The following ANKRD12 variants were observed in gnomAD, a reference collection of about 807,000 sequenced individuals.
ANKRD12 encodes the protein ankyrin repeat domain 12, also known as ankyrin repeat domain-containing protein 12.
A neutral mutation model predicts 183.4 loss-of-function variants in ANKRD12; 85 were observed. That is an observed-to-expected ratio of 0.46 (90% CI 0.39 to 0.56). ANKRD12 has a LOEUF of 0.56. Among genes scored for constraint, ANKRD12 ranks in the 20% least tolerant of loss-of-function variants. The pLI, the probability that ANKRD12 is intolerant of heterozygous loss-of-function variation, is 0.00. For synonymous variants in ANKRD12, 914 were observed against 800.2 expected (o/e 1.14, Z -2.40); for missense variants, 2,405 against 2,357.1 (o/e 1.02, Z -0.42).
intron 2 of ANKRD12, among the ~76,000 whole-genome samples, chr18:9,187,864 A>G (rs1255102779): frequency 1.3e-5 from 2 of 152,226 alleles, no homozygotes; most frequent in Admixed American, 1.3e-4. Context: ...TAGTTCTGTT[A>G]TATCCTTTTC....
chr18:9,235,219 A>G (rs1027214016), intron 8 of ANKRD12, among the ~76,000 whole-genome samples: 1 of 152,218 alleles, frequency 6.6e-6, no homozygotes, highest in Non-Finnish European at 1.5e-5. Flanking sequence ...AAATAGGCCA[A>G]TAGCTAGGCA....
chr18:9,219,725 A>G (rs1221109882), intron 7 of ANKRD12, among the ~76,000 whole-genome samples: 7 of 151,884 alleles, frequency 4.6e-5, no homozygotes, highest in Non-Finnish European at 1.0e-4. Context: ...AATTGAAACC[A>G]GAGCCATACA....
chr18:9,161,850 C>T (rs1243542712), intron 1 of ANKRD12, among the ~76,000 whole-genome samples: 3 of 151,204 alleles, frequency 2.0e-5, no homozygotes, highest in African/African-American at 7.3e-5. Flanking sequence ...GAACATTTAC[C>T]TACATTATTT....
intron 2 of ANKRD12, among the ~76,000 whole-genome samples, chr18:9,185,888 G>A (rs996860453): frequency 2.0e-5 from 3 of 152,204 alleles, no homozygotes; most frequent in Admixed American, 6.5e-5. Context: ...AGTAGTTTGC[G>A]TGGAGATGTG....
intron 5 of ANKRD12, 62 bp from the exon 6 acceptor site, chr18:9,211,522 A>G (rs1334651077): frequency 2.1e-6 from 3 of 1,442,426 alleles, no homozygotes; most frequent in Non-Finnish European, 2.9e-6. Flanking sequence ...CAATAAAAAC[A>G]TTTAAATAAG....
chr18:9,209,613 TA>T (rs1264777657), intron 5 of ANKRD12, among the ~76,000 whole-genome samples: 2 of 152,138 alleles, frequency 1.3e-5, no homozygotes, highest in Non-Finnish European at 2.9e-5. Flanking sequence ...CTGTCACTGC[TA>T]AAAAAATGTT....
At chr18:9,263,505 C>A (rs1234139372) in intron 9 of ANKRD12, among the ~76,000 whole-genome samples, 5 of 152,276 alleles carry the variant, frequency 3.3e-5, no homozygotes, top group African/African-American at 1.2e-4. Flanking sequence ...TGTCTGTGAG[C>A]TGTCACTTAC....
Position 9,190,048 on chromosome 18 carries a change from C to T in ANKRD12, c.88-5503C>T, listed in dbSNP as rs2034355969. Among the ~76,000 whole-genome samples, 3 of 152,212 alleles carry T rather than the reference C, an allele frequency of 2.0e-5. No homozygotes were observed. The South Asian group carries it at 6.2e-4, about 32-fold the overall frequency. ...AATTGAAAACCATCTTGAAAGGATTCACCATTTTAGATGCCATTAAAAACA... is the reference window on the plus strand; with the variant it reads ...AATTGAAAACCATCTTGAAAGGATTTACCATTTTAGATGCCATTAAAAACA... On this transcript the variant is annotated intron_variant, in intron 2 of 12. Coordinates refer to ENST00000262126, the MANE Select transcript of ANKRD12 (RefSeq NM_015208.5).
intron 1 of ANKRD12, among the ~76,000 whole-genome samples, chr18:9,139,335 C>A (rs1395353208): frequency 6.6e-6 from 1 of 151,944 alleles, no homozygotes; most frequent in Non-Finnish European, 1.5e-5. Context: ...TTACTTTTTC[C>A]CCTATAGAAG....
intron 11 of ANKRD12, among the ~76,000 whole-genome samples, chr18:9,277,958 G>C (rs992772860): frequency 2.0e-5 from 3 of 152,146 alleles, no homozygotes; most frequent in African/African-American, 7.2e-5. Context: ...CCTGACTTTA[G>C]ATTAAATTAA....
Position 9,281,594 on chromosome 18 carries a change from G to C in ANKRD12, c.*468G>C, listed in dbSNP as rs1598800611. On this transcript the variant is annotated 3_prime_UTR_variant, in exon 13 of 13. Transcript: ENST00000262126. ...TTCTTCAGTTTATTATCTGTAAATT[G>C]TACAGTTTTCTTTTTGAAAGTTTTA... 6.6e-6 allele frequency: 1 copy of C among 152,596 alleles called. No individual in the cohort carries two copies. The highest frequency in any genetic ancestry group is 2.1e-4 in the South Asian group (1 of 4,822). 9.5% of individuals were successfully genotyped at this position (152,596 alleles called of 1,614,324 possible). A position where few individuals can be genotyped will look rare whatever the true frequency, so the allele number is the denominator to read the frequency against.
chr18:9,189,099 A>G (rs932791916), intron 2 of ANKRD12, among the ~76,000 whole-genome samples: 5 of 152,234 alleles, frequency 3.3e-5, no homozygotes, highest in African/African-American at 9.6e-5. Context: ...CTTGAAGAAC[A>G]CTAAAAGTGC....
intron 7 of ANKRD12, among the ~76,000 whole-genome samples, chr18:9,219,508 G>C (rs1027733964): frequency 6.6e-6 from 1 of 152,072 alleles, no homozygotes; most frequent in Non-Finnish European, 1.5e-5. Flanking sequence ...GTAGAACAGG[G>C]TTTGACAATT....
In ANKRD12 at chr18:9,284,280, C is replaced by T. The variant is rs2040177756; in HGVS notation, c.*3154C>T. Reference sequence around the variant, plus strand: ...TTGCCTGTATTAGACATGCTACAAACTTCATAACTGGAAACATCTCAAAGA... The same window carrying T: ...TTGCCTGTATTAGACATGCTACAAATTTCATAACTGGAAACATCTCAAAGA... On this transcript the variant is annotated 3_prime_UTR_variant, in exon 13 of 13. Transcript: ENST00000262126. The T allele has an allele frequency of 6.6e-6, 1 of 152,148 alleles. No homozygotes were observed. Among genetic ancestry groups the T allele is most frequent in the African/African-American group, 2.4e-5 (1 of 41,448 alleles). The allele number at this position is 152,148 out of a possible 1,614,324, so 9.4% of individuals were successfully genotyped here.
intron 1 of ANKRD12, among the ~76,000 whole-genome samples, chr18:9,178,338 TC>T (rs2033443484): frequency 2.9e-5 from 3 of 102,876 alleles, no homozygotes; most frequent in Non-Finnish European, 6.5e-5. Context: ...TCTCTCTCTC[TC>T]TCTCGTTTTT....
chr18:9,277,632 CCT>C lies in ANKRD12; in HGVS notation c.5908-1916_5908-1915del, dbSNP rs1277162144. ...GTGAGCCACCGCGCCCGGCCGACAC[CCT>C]GTTTCTTAAAAGTAAAGTAATTAAT... On this transcript the variant is annotated intron_variant, in intron 11 of 12. Transcript: ENST00000262126. Among the ~76,000 whole-genome samples the C allele has an allele frequency of 2.0e-5, 3 of 151,908 alleles. No individual in the cohort carries two copies. The East Asian group carries it at 5.8e-4, about 29-fold the overall frequency.
chr18:9,143,892 T>A (rs796237099), intron 1 of ANKRD12, among the ~76,000 whole-genome samples: 46 of 152,354 alleles, frequency 3.0e-4, no homozygotes, highest in African/African-American at 1.0e-3. Context: ...GGCTTACTCA[T>A]TCTTTCCTTT....
At chr18:9,162,620 C>T (rs142589045) in intron 1 of ANKRD12, among the ~76,000 whole-genome samples, 31 of 152,276 alleles carry the variant, frequency 2.0e-4, no homozygotes, top group African/African-American at 7.0e-4. Context: ...TTTGAGGAAT[C>T]GCCACGCTGT....
intron 6 of ANKRD12, among the ~76,000 whole-genome samples, chr18:9,214,271 T>C (rs779512451): frequency 6.6e-6 from 1 of 152,118 alleles, no homozygotes; most frequent in Non-Finnish European, 1.5e-5. Flanking sequence ...TTAAAACATA[T>C]GCATACAGAC....
Sources: allele counts gnomAD v4.1 joint callset (sites outside exome capture counted in the v4.1 genomes callset), GRCh38; gene constraint gnomAD v4.1.1; transcripts MANE v1.5; gene names NCBI Gene and HGNC (gene_info 2026-07-23, HGNC 2026-07-21).